The following PCDHA8 variants were observed in gnomAD, a reference collection of about 807,000 sequenced individuals.
PCDHA8 encodes protocadherin alpha-8.
In PCDHA8, 53 loss-of-function variants were observed where a neutral mutation model predicts 61.8. That is an observed-to-expected ratio of 0.86 (90% CI 0.69 to 1.08). The LOEUF is 1.08. Among genes scored for constraint, PCDHA8 ranks in the 50% least tolerant of loss-of-function variants. PCDHA8 has a pLI of 0.00. For synonymous variants in PCDHA8, 618 were observed against 556.6 expected (o/e 1.11, Z -1.55); for missense variants, 1,293 against 1,245.0 (o/e 1.04, Z -0.58).
At chr5:140,884,533 G>T in intron 1 of PCDHA8, 1 of 1,614,082 alleles carries the variant, frequency 6.2e-7, no homozygotes, top group Non-Finnish European at 8.5e-7. Flanking sequence ...AGCAGAGGCG[G>T]CCGAGGGTGT....
intron 1 of PCDHA8, chr5:140,864,345 G>A (rs2048432897): frequency 6.6e-6 from 1 of 152,130 alleles, no homozygotes; most frequent in Non-Finnish European, 1.5e-5. Flanking sequence ...TTTAAAACAT[G>A]TTTAAATGTT....
chr5:140,845,193 T>C (rs1160723646), intron 1 of PCDHA8, among the ~76,000 whole-genome samples: 1 of 149,378 alleles, frequency 6.7e-6, no homozygotes, highest in Non-Finnish European at 1.5e-5. Context: ...AAAAATATGA[T>C]TGTTTTCATT....
At chr5:140,873,858 A>G (rs1238963531) in intron 1 of PCDHA8, among the ~76,000 whole-genome samples, 9 of 152,022 alleles carry the variant, frequency 5.9e-5, no homozygotes, top group African/African-American at 1.9e-4. Context: ...ATGGGTTTTC[A>G]CCATGTTGGC....
In PCDHA8 at chr5:140,859,591, T is replaced by C. The variant is rs540429741; in HGVS notation, c.2394+15876T>C. On this transcript the variant is annotated intron_variant, in intron 1 of 3. Transcript: ENST00000531613. Reference sequence around the variant, plus strand: ...AATTTGTCATCTTGCCTATGGCTCTTAGCAATTACTTTTTTCTTTCCTTTC... The same window carrying C: ...AATTTGTCATCTTGCCTATGGCTCTCAGCAATTACTTTTTTCTTTCCTTTC... 5 of 165,482 alleles carry C rather than the reference T, an allele frequency of 3.0e-5. No homozygotes were observed. The East Asian group carries it at 9.4e-4, about 31-fold the overall frequency. 10.3% of individuals were successfully genotyped at this position (165,482 alleles called of 1,614,324 possible). A position where few individuals can be genotyped will look rare whatever the true frequency, so the allele number is the denominator to read the frequency against.
At chr5:140,850,206 A>T in intron 1 of PCDHA8, 1 of 1,592,626 alleles carries the variant, frequency 6.3e-7, no homozygotes, top group South Asian at 1.1e-5. Flanking sequence ...ACCTCGGATG[A>T]GGGGCACTGA....
At chr5:140,918,759 G>A (rs931610210) in intron 1 of PCDHA8, among the ~76,000 whole-genome samples, 7 of 152,130 alleles carry the variant, frequency 4.6e-5, no homozygotes, top group Non-Finnish European at 1.0e-4. Context: ...CCAGAGAGGT[G>A]CCTTGCCTCT....
intron 1 of PCDHA8, chr5:140,927,671 C>T (rs2084485955): frequency 6.2e-7 from 1 of 1,614,198 alleles, no homozygotes; most frequent in Non-Finnish European, 8.5e-7. Context: ...GCCTTGGATC[C>T]AGATGAAGGG....
chr5:140,962,637 T>A (rs556134281), intron 1 of PCDHA8, among the ~76,000 whole-genome samples: 3 of 152,338 alleles, frequency 2.0e-5, no homozygotes, highest in Admixed American at 6.5e-5. Flanking sequence ...AATTTAGCCA[T>A]CAAGTTATGT....
chr5:140,885,161 T>C (rs1554182019), intron 1 of PCDHA8, among the ~76,000 whole-genome samples: 1 of 151,600 alleles, frequency 6.6e-6, no homozygotes, highest in Non-Finnish European at 1.5e-5. Flanking sequence ...TTGTCTCTAC[T>C]TTTTTGTCCT....
Position 140,842,856 on chromosome 5 carries a change from C to A in PCDHA8, c.1535C>A (p.Thr512Lys), listed in dbSNP as rs2150346481. The A allele has an allele frequency of 1.9e-6, 3 of 1,593,922 alleles. No homozygotes were observed. Among genetic ancestry groups the A allele is most frequent in the South Asian group, 2.2e-5 (2 of 90,424 alleles). Residue 512 changes from threonine to lysine, a missense_variant, in exon 1 of 4, where the codon ACG (threonine) becomes AAG (lysine). Physicochemically the swap from Thr to Lys is moderately conservative, Grantham distance 78 (BLOSUM62 -1). Coordinates refer to ENST00000531613, the MANE Select transcript of PCDHA8 (RefSeq NM_018911.3). ...RSLSSYISVHTESGKVYALQP... is the reference protein window; with the variant it reads ...RSLSSYISVHKESGKVYALQP... ...CTGTCGAGCTACATTTCGGTGCACA[C>A]GGAGAGCGGCAAGGTGTACGCGCTG...
intron 1 of PCDHA8, among the ~76,000 whole-genome samples, chr5:140,905,043 A>T (rs782694794): frequency 1.5e-4 from 23 of 152,126 alleles, no homozygotes; most frequent in Non-Finnish European, 5.9e-5. Flanking sequence ...TAGTTTAATT[A>T]GGTCCCATTT....
chr5:140,978,685 CA>C (rs1426574040), intron 1 of PCDHA8, among the ~76,000 whole-genome samples: 2 of 152,242 alleles, frequency 1.3e-5, no homozygotes, highest in African/African-American at 2.4e-5. Context: ...ATGTATTGGG[CA>C]AGGCAAAGCC....
rs2045092638 is a variant in PCDHA8, at chr5:140,858,000, A to G, written c.2394+14285A>G. The stretch of plus-strand genomic sequence containing the variant: ...CGCCAGCGCCTACTGGTGCTGGTGA[A>G]GGACCATGGCGAGCCGTCGCTGACG... On this transcript the variant is annotated intron_variant, in intron 1 of 3. Coordinates refer to ENST00000531613, the MANE Select transcript of PCDHA8 (RefSeq NM_018911.3). 1.0e-5 allele frequency: 16 copies of G among 1,596,802 alleles called. 2 individuals carry two copies. Among genetic ancestry groups the G allele is most frequent in the Non-Finnish European group, 1.4e-5 (16 of 1,167,152 alleles).
At position 140,868,819 on chromosome 5, in the gene PCDHA8, G is replaced by A. The variant is rs2050665181; in HGVS notation, c.2394+25104G>A. The A allele has an allele frequency of 7.5e-5, 29 of 388,032 alleles. No individual in the cohort carries two copies. In the East Asian group the frequency reaches 1.2e-3, roughly 16 times the overall value. The allele number at this position is 388,032 out of a possible 1,614,324, so 24.0% of individuals were successfully genotyped here. On this transcript the variant is annotated intron_variant, in intron 1 of 3. Transcript: ENST00000531613. ...ATAAATAAGCACGTTGGAAATATTT[G>A]GGGGAAGAAACCCAAAACACGTGAA...
intron 1 of PCDHA8, among the ~76,000 whole-genome samples, chr5:140,958,951 A>C (rs1212039253): frequency 6.6e-6 from 1 of 151,992 alleles, no homozygotes; most frequent in Non-Finnish European, 1.5e-5. Flanking sequence ...ATATTATATT[A>C]TTATAATTGT....
At chr5:140,911,744 C>T (rs758009837) in intron 1 of PCDHA8, among the ~76,000 whole-genome samples, 2 of 151,280 alleles carry the variant, frequency 1.3e-5, no homozygotes, top group Non-Finnish European at 2.9e-5. Flanking sequence ...CAAGGACTAT[C>T]AGTGTTCTCC....
intron 1 of PCDHA8, chr5:140,876,767 C>T (rs1462172871): frequency 1.2e-6 from 2 of 1,614,194 alleles, no homozygotes; most frequent in South Asian, 1.1e-5. Flanking sequence ...GATGGGGGCT[C>T]GCCTTCGCTG....
At position 140,841,678 on chromosome 5, in the gene PCDHA8, G is replaced by T. The variant is rs1451404263; in HGVS notation, c.357G>T (p.Val119=). 5 of 1,613,862 alleles carry T rather than the reference G, an allele frequency of 3.1e-6. No homozygotes were observed. The highest frequency in any genetic ancestry group is 1.6e-4 in the Middle Eastern group (1 of 6,084). Residue 119 remains valine (V), a synonymous_variant, in exon 1 of 4, where the codon GTG becomes GTT. Transcript: ENST00000531613. ...ACAGGCCGCTGCAGGTTTTCCATGT[G>T]GACGTGGAGGTGAAGGATGTTAATG... ...IVDRPLQVFH[V]DVEVKDVNDN...
chr5:140,972,478 AC>A (rs2096537655), intron 1 of PCDHA8, among the ~76,000 whole-genome samples: 2 of 151,866 alleles, frequency 1.3e-5, no homozygotes, highest in Admixed American at 1.3e-4. Flanking sequence ...TCAGCATTTA[AC>A]CCCAGACTCT....
Sources: gnomAD v4.1 joint callset for allele counts (sites outside exome capture counted in the v4.1 genomes callset) on GRCh38, gnomAD v4.1.1 for gene constraint, MANE v1.5 for transcripts, NCBI Gene and HGNC (gene_info 2026-07-23, HGNC 2026-07-21) for gene names.